The following CDH12 variants were observed in gnomAD, a reference collection of about 807,000 sequenced individuals.
The protein encoded by CDH12 is cadherin 12.
Under a neutral mutation model 74.1 loss-of-function variants are expected in CDH12, and 41 were observed. The observed-to-expected ratio is 0.55, with a 90% confidence interval of 0.43 to 0.72. The LOEUF is 0.72. Among genes scored for constraint, CDH12 ranks in the 30% least tolerant of loss-of-function variants. The probability of loss-of-function intolerance (pLI) is 0.00; values close to 1 mark genes in which losing one functional copy is unlikely to be tolerated. For synonymous variants in CDH12, 399 were observed against 355.0 expected (o/e 1.12, Z -1.39); for missense variants, 945 against 977.2 (o/e 0.97, Z 0.44).
chr5:22,603,958 G>A (rs2126816046), intron 1 of CDH12, among the ~76,000 whole-genome samples: 1 of 152,318 alleles, frequency 6.6e-6, no homozygotes, highest in South Asian at 2.1e-4. Context: ...TGAGGCCAGA[G>A]AGAGAGAAGC....
rs567611745 is a variant in CDH12, at chr5:22,271,493, A to C, written c.-332-58850T>G. Among the ~76,000 whole-genome samples the C allele has an allele frequency of 5.6e-4, 85 of 152,294 alleles. 2 individuals are homozygous for C. Among genetic ancestry groups the C allele is most frequent in the African/African-American group, 1.9e-3 (79 of 41,558 alleles). Reference sequence around the variant, plus strand: ...GCTGTTAATGTTGATATTTTGACCTACTTCCAAAAAACACAAATGTTCTTA... The same window carrying C: ...GCTGTTAATGTTGATATTTTGACCTCCTTCCAAAAAACACAAATGTTCTTA... On this transcript the variant is annotated intron_variant, in intron 3 of 14. Transcript: ENST00000382254.
intron 7 of CDH12, among the ~76,000 whole-genome samples, chr5:21,845,826 G>A (rs1228976004): frequency 1.3e-5 from 2 of 150,106 alleles, no homozygotes; most frequent in Non-Finnish European, 2.9e-5. Context: ...CAGATAGTAA[G>A]AGTAAAAGAG....
intron 2 of CDH12, among the ~76,000 whole-genome samples, chr5:22,441,354 G>C (rs1421172948): frequency 2.6e-5 from 4 of 152,112 alleles, no homozygotes; most frequent in Non-Finnish European, 5.9e-5. Flanking sequence ...GTGTTCCAGA[G>C]GGTAGCTTGC....
intron 1 of CDH12, among the ~76,000 whole-genome samples, chr5:22,816,168 A>C (rs1749384594): frequency 6.6e-6 from 1 of 152,134 alleles, no homozygotes; most frequent in South Asian, 2.1e-4. Flanking sequence ...CTTGAAAGCT[A>C]TTTCCTTATT....
chr5:22,453,603 A>C (rs1426869913), intron 2 of CDH12, among the ~76,000 whole-genome samples: 2 of 152,010 alleles, frequency 1.3e-5, no homozygotes, highest in Non-Finnish European at 2.9e-5. Flanking sequence ...CTTATGAGAG[A>C]GGTTGGTTAA....
Position 22,420,388 on chromosome 5 carries a change from G to A in CDH12, c.-427-15037C>T, listed in dbSNP as rs11958803. On this transcript the variant is annotated intron_variant, in intron 2 of 14. Transcript: ENST00000382254. ...AAGGGGTCCAGTTTCAATTTTCTTC[G>A]TATGGCTATCCAGTTTGCCCAGCAC... Among the ~76,000 whole-genome samples, 876 of 152,024 alleles carry A rather than the reference G, an allele frequency of 5.8e-3. 7 individuals are homozygous for A. Among genetic ancestry groups the A allele is most frequent in the African/African-American group, 0.02 (833 of 41,482 alleles).
At chr5:22,224,051 C>T (rs1752106087) in intron 3 of CDH12, among the ~76,000 whole-genome samples, 1 of 151,946 alleles carries the variant, frequency 6.6e-6, no homozygotes, top group Admixed American at 6.6e-5. Context: ...TTCTTGCACA[C>T]AAGTGAGTAA....
intron 6 of CDH12, among the ~76,000 whole-genome samples, chr5:21,935,480 TA>T (rs1755036148): frequency 1.3e-5 from 2 of 152,100 alleles, no homozygotes; most frequent in African/African-American, 4.8e-5. Context: ...TGTGGGTAGG[TA>T]GTAGGTGTAT....
chr5:21,962,721 T>C (rs1352718468), intron 6 of CDH12, among the ~76,000 whole-genome samples: 5 of 152,174 alleles, frequency 3.3e-5, no homozygotes, highest in African/African-American at 1.2e-4. Context: ...GGTTTCATTA[T>C]TTGTTAAGGA....
At chr5:22,100,556 C>G (rs4571431) in intron 4 of CDH12, among the ~76,000 whole-genome samples, 89,227 of 151,490 alleles carry the variant, frequency 0.59, 26,787 homozygotes, top group African/African-American at 0.71. Flanking sequence ...TAATTACAAA[C>G]CTTCAAATAT....
chr5:21,962,336 T>C (rs1756395266), intron 6 of CDH12, among the ~76,000 whole-genome samples: 1 of 152,148 alleles, frequency 6.6e-6, no homozygotes, highest in South Asian at 2.1e-4. Flanking sequence ...TTTGTCTGCT[T>C]TTCAGATGGC....
chr5:22,676,591 G>T, intron 1 of CDH12, among the ~76,000 whole-genome samples: 2 of 152,194 alleles, frequency 1.3e-5, no homozygotes, highest in South Asian at 4.1e-4. Context: ...TTCAACAAAG[G>T]CATGTAATTC....
intron 5 of CDH12, among the ~76,000 whole-genome samples, chr5:22,043,075 A>T (rs918621327): frequency 1.3e-5 from 2 of 152,128 alleles, no homozygotes; most frequent in Non-Finnish European, 2.9e-5. Context: ...AGAGGAGGAA[A>T]TTCTTCCAAA....
At chr5:22,789,252 A>T (rs1438906415) in intron 1 of CDH12, among the ~76,000 whole-genome samples, 1 of 152,096 alleles carries the variant, frequency 6.6e-6, no homozygotes, top group East Asian at 1.9e-4. Context: ...ATGTGTCAAG[A>T]TGGATTTTTC....
At chr5:22,183,224 G>T (rs1313794631) in intron 4 of CDH12, among the ~76,000 whole-genome samples, 2 of 150,952 alleles carry the variant, frequency 1.3e-5, no homozygotes, top group East Asian at 3.9e-4. Context: ...ACCAAGCGAA[G>T]TGAGAGACAT....
intron 6 of CDH12, among the ~76,000 whole-genome samples, chr5:21,875,307 G>A (rs182998945): frequency 3.9e-5 from 6 of 152,318 alleles, no homozygotes; most frequent in Admixed American, 3.9e-4. Context: ...TGGGAGTATA[G>A]AGAGTGGGGA....
intron 4 of CDH12, among the ~76,000 whole-genome samples, chr5:22,114,796 G>A (rs1744997843): frequency 6.6e-6 from 1 of 152,090 alleles, no homozygotes; most frequent in Non-Finnish European, 1.5e-5. Context: ...GAAAATCCAG[G>A]ATATTAGTAC....
intron 3 of CDH12, among the ~76,000 whole-genome samples, chr5:22,325,526 C>A (rs1321401009): frequency 6.6e-6 from 1 of 151,924 alleles, no homozygotes; most frequent in African/African-American, 2.4e-5. Flanking sequence ...ATCAGAGATC[C>A]ACAGTTTAGA....
intron 1 of CDH12, among the ~76,000 whole-genome samples, chr5:22,816,872 A>C (rs1038424064): frequency 3.9e-5 from 6 of 152,144 alleles, no homozygotes; most frequent in African/African-American, 7.2e-5. Flanking sequence ...GCATATCTTT[A>C]TGTATTTGCC....
Sources: gnomAD v4.1 joint callset for allele counts (sites outside exome capture counted in the v4.1 genomes callset) on GRCh38, gnomAD v4.1.1 for gene constraint, MANE v1.5 for transcripts, NCBI Gene and HGNC (gene_info 2026-07-23, HGNC 2026-07-21) for gene names.